The following USH1C variants were observed in gnomAD, a reference collection of about 807,000 sequenced individuals.
USH1C encodes harmonin.
Under a neutral mutation model 119.3 loss-of-function variants are expected in USH1C, and 90 were observed. That is an observed-to-expected ratio of 0.75 (90% CI 0.64 to 0.90). USH1C has a LOEUF of 0.90. USH1C is among the 40% of genes least tolerant of loss of function. USH1C has a pLI of 0.00. For missense variants in USH1C, 1,165 were observed against 1,167.7 expected (o/e 1.00, Z 0.03); for synonymous variants, 465 against 443.3 (o/e 1.05, Z -0.62).
At chr11:17,538,494 A>AG (rs1234928580) in intron 1 of USH1C, among the ~76,000 whole-genome samples, 1 of 152,210 alleles carries the variant, frequency 6.6e-6, no homozygotes, top group Non-Finnish European at 1.5e-5. Context: ...ACAGGGAGAA[A>AG]GAGAGCCAGA....
intron 18 of USH1C, among the ~76,000 whole-genome samples, chr11:17,506,779 C>T (rs1453728200): frequency 6.6e-6 from 1 of 152,220 alleles, no homozygotes; most frequent in African/African-American, 2.4e-5. Flanking sequence ...CAGCCCTCTT[C>T]CTTATTATAG....
intron 8 of USH1C, among the ~76,000 whole-genome samples, chr11:17,525,008 A>C (rs1027122851): frequency 2.6e-5 from 4 of 152,178 alleles, no homozygotes; most frequent in African/African-American, 9.7e-5. Flanking sequence ...TGCCTGGCTC[A>C]GATCCCTTAT....
Position 17,531,368 on chromosome 11 carries a change from C to T in USH1C, c.248+31G>A, listed in dbSNP as rs375578968. The T allele has an allele frequency of 3.7e-6, 6 of 1,613,674 alleles. No individual in the cohort carries two copies. Among genetic ancestry groups the T allele is most frequent in the African/African-American group, 1.3e-5 (1 of 74,946 alleles). On this transcript the variant is annotated intron_variant, in intron 3 of 26. Transcript: ENST00000005226. This position sits in a 1 kb window ranked among gnomAD's most constrained non-coding sequence, Gnocchi z 4.2. ...CCCGCCCAGGGTGATCTCTCCACCC[C>T]CTGCCTCCAGCCTGGTGGCTTCCTC... is the stretch of plus-strand genomic sequence containing the variant.
chr11:17,495,435 GGCAGCACTTCAGGGATGGC>G, intron 26 of USH1C, 115 bp downstream of exon 26: 1 of 925,738 alleles, frequency 1.1e-6, no homozygotes, highest in Admixed American at 1.7e-5. Flanking sequence ...GCAGGCCCCA[GGCAGCACTTCAGGGATGGC>G]GCCTTGTGTA....
At chr11:17,528,571 G>A (rs998832847) in intron 4 of USH1C, among the ~76,000 whole-genome samples, 1 of 152,238 alleles carries the variant, frequency 6.6e-6, no homozygotes, top group East Asian at 1.9e-4. Context: ...CTTTGGAGAC[G>A]TGCTGGCACA....
At position 17,517,469 on chromosome 11, in the gene USH1C, G is replaced by C. The variant is rs1294759353; in HGVS notation, c.1211-1179C>G. 6.3e-7 allele frequency: 1 copy of C among 1,591,948 alleles called. No individual in the cohort carries two copies. Among genetic ancestry groups the C allele is most frequent in the African/African-American group, 1.3e-5 (1 of 74,564 alleles). ...GGCTCGAGCTCAGGTTCCACTCCCT[G>C]ATCATCTACCCAGGGAAAAGAGGAG... On this transcript the variant is annotated intron_variant, in intron 14 of 26. Transcript: ENST00000005226.
At chr11:17,506,489 TCACAGCC>T (rs1565028851) in intron 18 of USH1C, among the ~76,000 whole-genome samples, 1 of 152,124 alleles carries the variant, frequency 6.6e-6, no homozygotes, top group Non-Finnish European at 1.5e-5. Flanking sequence ...TCAAATCAGT[TCACAGCC>T]CTGCCCCCAA....
intron 7 of USH1C, 100 bp from the exon 8 acceptor site, chr11:17,526,541 C>T (rs1850684124): frequency 8.4e-7 from 1 of 1,187,078 alleles, no homozygotes; most frequent in Admixed American, 2.0e-5. Context: ...TGAACTCACG[C>T]CAGCCAGATC....
In USH1C at chr11:17,510,426, A is replaced by C. The variant is rs370705094; in HGVS notation, c.1509T>G (p.Ser503=). 1 of 1,612,352 alleles carries C rather than the reference A, an allele frequency of 6.2e-7. No homozygotes were observed. The highest frequency in any genetic ancestry group is 8.5e-7 in the Non-Finnish European group (1 of 1,179,700). The stretch of plus-strand genomic sequence containing the variant: ...TTACCTCTGAAATCTCATTATCAGC[A>C]GAGGAAATCTGCTCGAGGCGCGTTT... ...LCQTRLEQIS[S]ADNEISEMTT... Residue 503 remains serine (S), a synonymous_variant, in exon 17 of 27, where the codon TCT becomes TCG. Transcript: ENST00000005226.
At chr11:17,520,797 G>C (rs1850374901) in intron 14 of USH1C, 73 bp downstream of exon 14, 1 of 1,560,196 alleles carries the variant, frequency 6.4e-7, no homozygotes, top group African/African-American at 1.4e-5. Context: ...TCTAGGAGGT[G>C]GTGGTGAGGG....
chr11:17,540,684 C>T (rs563525445), intron 1 of USH1C, among the ~76,000 whole-genome samples: 8 of 152,286 alleles, frequency 5.3e-5, no homozygotes, highest in African/African-American at 9.6e-5. Flanking sequence ...TCTCTTTCTA[C>T]GCTCGCAGCC....
At chr11:17,522,127 C>T (rs1249245315) in intron 12 of USH1C, among the ~76,000 whole-genome samples, 2 of 152,182 alleles carry the variant, frequency 1.3e-5, no homozygotes, top group African/African-American at 4.8e-5. Context: ...TCACTGCGTC[C>T]AGCCATGAAA....
chr11:17,502,906 G>A (rs1014163513), intron 20 of USH1C, among the ~76,000 whole-genome samples: 2 of 152,118 alleles, frequency 1.3e-5, no homozygotes, highest in Non-Finnish European at 2.9e-5. Flanking sequence ...GGCAGGCCTC[G>A]CCAGACTGAG....
chr11:17,509,294 G>A (rs1849764741), intron 18 of USH1C, 62 bp downstream of exon 18: 1 of 1,509,054 alleles, frequency 6.6e-7, no homozygotes, highest in Non-Finnish European at 8.9e-7. Context: ...GAGGACATGG[G>A]AAACAGCAGT....
chr11:17,518,537 T>TG (rs1221202887), intron 14 of USH1C, among the ~76,000 whole-genome samples: 3 of 152,198 alleles, frequency 2.0e-5, no homozygotes, highest in Non-Finnish European at 4.4e-5. Context: ...GCCTCTGTGG[T>TG]GGTGTCCTGG....
intron 4 of USH1C, among the ~76,000 whole-genome samples, chr11:17,529,778 T>C (rs886317958): frequency 6.6e-6 from 1 of 152,082 alleles, no homozygotes; most frequent in African/African-American, 2.4e-5. Context: ...GATGAACCCG[T>C]CAGCTAGAGA....
At chr11:17,503,830 T>C (rs1044134616) in intron 20 of USH1C, among the ~76,000 whole-genome samples, 2 of 152,234 alleles carry the variant, frequency 1.3e-5, no homozygotes, top group Non-Finnish European at 2.9e-5. Context: ...CCAGGGTTGC[T>C]GGAAAGATTA....
intron 4 of USH1C, among the ~76,000 whole-genome samples, chr11:17,530,478 C>G (rs1370697948): frequency 6.6e-6 from 1 of 152,238 alleles, no homozygotes; most frequent in African/African-American, 2.4e-5. Context: ...ATGCATATAG[C>G]AAGGACTGCT....
At chr11:17,494,955 A>C (rs1849193345) in intron 26 of USH1C, 1 of 218,308 alleles carries the variant, frequency 4.6e-6, no homozygotes, top group Admixed American at 5.2e-5. Context: ...GAAGGCAGAG[A>C]AGACCGTTTG....
Sources: gnomAD v4.1 joint callset for allele counts (sites outside exome capture counted in the v4.1 genomes callset) on GRCh38, gnomAD v4.1.1 for gene constraint, Gnocchi (gnomAD v3.1) non-coding constraint, MANE v1.5 for transcripts, NCBI Gene and HGNC (gene_info 2026-07-23, HGNC 2026-07-21) for gene names.